DYRK4: variants seen among roughly 807,000 people sequenced by gnomAD.
The protein encoded by DYRK4 is dual specificity tyrosine-phosphorylation-regulated kinase 4.
In DYRK4, 64 loss-of-function variants were observed where a neutral mutation model predicts 68.3. The ratio of observed to expected loss-of-function variants is 0.94; its 90% confidence interval spans 0.77 to 1.15. The LOEUF (loss-of-function observed/expected upper bound fraction) is 1.15. DYRK4 is among the 50% of genes most tolerant of loss of function. The pLI, the probability that DYRK4 is intolerant of heterozygous loss-of-function variation, is 0.00. For missense variants in DYRK4, 740 were observed against 764.7 expected (o/e 0.97, Z 0.38); for synonymous variants, 274 against 289.9 (o/e 0.95, Z 0.56).
intron 9 of DYRK4, 103 bp downstream of exon 9, chr12:4,599,269 A>AAT: frequency 3.0e-4 from 196 of 646,826 alleles, no homozygotes; most frequent in Non-Finnish European, 3.8e-4. Flanking sequence ...ATTGCCTTTG[A>AAT]CTTTTTTTTT....
chr12:4,575,299 C>CTGTGTGTGTGTGTGTGTGTG lies in DYRK4; in HGVS notation c.132+7255_132+7274dup, dbSNP rs35874260. Among the ~76,000 whole-genome samples, 162 of 148,964 alleles carry CTGTGTGTGTGTGTGTGTGTG rather than the reference C, an allele frequency of 1.1e-3. 1 individual carries two copies. Among genetic ancestry groups the CTGTGTGTGTGTGTGTGTGTG allele is most frequent in the African/African-American group, 3.9e-3 (159 of 40,542 alleles). ...TTGCCAATTTACTAACAATAACTTA[C>CTGTGTGTGTGTGTGTGTGTG]TGTGTGTGTGTGTGTGTGTGTGTTT... On this transcript the variant is annotated intron_variant, in intron 2 of 14. Coordinates refer to ENST00000543431, the MANE Select transcript of DYRK4 (RefSeq NM_001394779.1).
At chr12:4,605,487 C>G (rs1482445754) in intron 11 of DYRK4, among the ~76,000 whole-genome samples, 1 of 152,022 alleles carries the variant, frequency 6.6e-6, no homozygotes, top group Non-Finnish European at 1.5e-5. Flanking sequence ...CCTTTTGTTT[C>G]TACTCTTTTT....
At chr12:4,601,434 T>C (rs17774142) in intron 10 of DYRK4, among the ~76,000 whole-genome samples, 36,670 of 152,122 alleles carry the variant, frequency 0.24, 4,926 homozygotes, top group East Asian at 0.32. Context: ...TAGCACAACA[T>C]TGGAACCAAC....
At chr12:4,577,432 TCAGTTGA>T (rs989081088) in intron 2 of DYRK4, among the ~76,000 whole-genome samples, 3 of 152,190 alleles carry the variant, frequency 2.0e-5, no homozygotes, top group Admixed American at 1.3e-4. Context: ...TTGTCAATGA[TCAGTTGA>T]CTATGTTTGT....
Position 4,562,217 on chromosome 12 carries a change from C to T in DYRK4, c.-29C>T. 6.6e-7 allele frequency: 1 copy of T among 1,524,820 alleles called. No homozygotes were observed. Among genetic ancestry groups the T allele is most frequent in the Non-Finnish European group, 8.8e-7 (1 of 1,141,498 alleles). 94.5% of individuals were successfully genotyped at this position (1,524,820 alleles called of 1,614,324 possible). On this transcript the variant is annotated 5_prime_UTR_variant, in exon 1 of 15. Coordinates refer to ENST00000543431, the MANE Select transcript of DYRK4 (RefSeq NM_001394779.1). ...CCTCTGCCGGGCTCTCACAGCCTCC[C>T]GCAGCGGCGGGCGGTCAGCGCCGGC... is the stretch of plus-strand genomic sequence containing the variant.
At chr12:4,567,285 A>T (rs1028160959) in intron 1 of DYRK4, 1 of 152,172 alleles carries the variant, frequency 6.6e-6, no homozygotes, top group Non-Finnish European at 1.5e-5. Flanking sequence ...TGTATTCTTG[A>T]TTCCTCTGGC....
intron 10 of DYRK4, chr12:4,602,304 T>C: frequency 1.1e-6 from 1 of 949,512 alleles, no homozygotes; most frequent in Admixed American, 1.8e-5. Flanking sequence ...TCTCCCTCTT[T>C]TTTTCTTCCT....
chr12:4,592,733 T>C (rs931950384), intron 5 of DYRK4: 3 of 343,982 alleles, frequency 8.7e-6, no homozygotes, highest in Non-Finnish European at 1.6e-5. Context: ...TTACCTGCGC[T>C]GCTCTAACCC....
intron 2 of DYRK4, among the ~76,000 whole-genome samples, chr12:4,570,281 A>G (rs1025413189): frequency 6.6e-6 from 1 of 152,098 alleles, no homozygotes; most frequent in Non-Finnish European, 1.5e-5. Flanking sequence ...TTCAAAATTG[A>G]TTTGATTATG....
chr12:4,574,866 C>T lies in DYRK4; in HGVS notation c.132+6818C>T, dbSNP rs150469327. ...CCCAGTAGCTGGGATTACAGGTGCA[C>T]GCCACCATGCCCAACTAATTTGTGT... On this transcript the variant is annotated intron_variant, in intron 2 of 14. Coordinates refer to ENST00000543431, the MANE Select transcript of DYRK4 (RefSeq NM_001394779.1). Among the ~76,000 whole-genome samples the T allele has an allele frequency of 1.0e-3, 153 of 152,152 alleles. 1 individual carries two copies. The East Asian group carries it at 0.028, about 28-fold the overall frequency.
At chr12:4,604,809 C>T in intron 10 of DYRK4, 105 bp from the exon 11 acceptor site, 1 of 1,385,200 alleles carries the variant, frequency 7.2e-7, no homozygotes, top group Non-Finnish European at 9.5e-7. Context: ...ACTTCCCTTT[C>T]ACTGCCAGCG....
At chr12:4,598,829 G>A (rs1245200676) in intron 8 of DYRK4, among the ~76,000 whole-genome samples, 199 bp from the exon 9 acceptor site, 2 of 152,150 alleles carry the variant, frequency 1.3e-5, no homozygotes, top group Non-Finnish European at 2.9e-5. Flanking sequence ...ACATCTGAGA[G>A]TCTGACACAG....
At position 4,599,106 on chromosome 12, in the gene DYRK4, T is replaced by C; in HGVS notation, c.984T>C (p.Ser328=). ...SLSIVRRFTL[S]VLKCLQMLSV... ...CCATAGTTCGGCGCTTCACTCTCTC[T>C]GTTTTGAAGTGCTTGCAGATGCTTT... Residue 328 remains serine, a synonymous_variant, in exon 9 of 15, where the codon TCT becomes TCC. Coordinates refer to ENST00000543431, the MANE Select transcript of DYRK4 (RefSeq NM_001394779.1). The C allele has an allele frequency of 1.2e-6, 2 of 1,614,122 alleles. No individual in the cohort carries two copies. The highest frequency in any genetic ancestry group is 1.7e-6 in the Non-Finnish European group (2 of 1,180,000).
chr12:4,600,393 C>T (rs1945068080), intron 10 of DYRK4, among the ~76,000 whole-genome samples: 2 of 151,802 alleles, frequency 1.3e-5, no homozygotes, highest in African/African-American at 2.4e-5. Context: ...TGAACATTCC[C>T]TGTCCTCAGG....
chr12:4,603,794 C>T (rs764734197), intron 10 of DYRK4, among the ~76,000 whole-genome samples: 14 of 152,186 alleles, frequency 9.2e-5, no homozygotes, highest in Non-Finnish European at 1.8e-4. Context: ...ATGTTGAAAG[C>T]TGTGTAACTT....
chr12:4,580,361 G>A (rs1426823434), intron 2 of DYRK4, among the ~76,000 whole-genome samples: 5 of 152,224 alleles, frequency 3.3e-5, no homozygotes, highest in African/African-American at 4.8e-5. Context: ...GTGGCTGTTG[G>A]TGTGATTTGG....
At chr12:4,564,579 A>G (rs1944658392) in intron 1 of DYRK4, 1 of 152,202 alleles carries the variant, frequency 6.6e-6, no homozygotes, top group Non-Finnish European at 1.5e-5. Context: ...AATATAAAAT[A>G]CTATGCAGTG....
chr12:4,575,323 T>TGTGTGTGTGTGTGTGTGTG (rs1944778127), intron 2 of DYRK4, among the ~76,000 whole-genome samples: 3 of 50,802 alleles, frequency 5.9e-5, no homozygotes, highest in African/African-American at 2.4e-4. Context: ...GTGTGTGTGT[T>TGTGTGTGTGTGTGTGTGTG]TTCGAAACGG....
intron 2 of DYRK4, among the ~76,000 whole-genome samples, chr12:4,569,088 G>A (rs960064887): frequency 3.3e-5 from 5 of 152,030 alleles, no homozygotes; most frequent in African/African-American, 9.7e-5. Context: ...TCTTCCAAGC[G>A]CTGTTCCTGA....
Sources: allele counts gnomAD v4.1 joint callset (sites outside exome capture counted in the v4.1 genomes callset), GRCh38; gene constraint gnomAD v4.1.1; transcripts MANE v1.5; gene names NCBI Gene and HGNC (gene_info 2026-07-23, HGNC 2026-07-21).